The following VTI1A variants were observed in gnomAD, a reference collection of about 807,000 sequenced individuals.
The protein encoded by VTI1A is vesicle transport through interaction with t-SNAREs 1A.
Under a neutral mutation model 34.9 loss-of-function variants are expected in VTI1A, and 22 were observed. The ratio of observed to expected loss-of-function variants is 0.63; its 90% CI spans 0.45 to 0.90. The LOEUF is 0.90. VTI1A is among the 40% of genes least tolerant of loss of function. The pLI is 0.00. For synonymous variants in VTI1A, 87 were observed against 97.3 expected, an observed-to-expected ratio of 0.89 and a Z score of 0.62; for missense variants, 268 against 275.6, an observed-to-expected ratio of 0.97 and a Z score of 0.20.
At chr10:112,612,961 G>A (rs1028103387) in intron 5 of VTI1A, among the ~76,000 whole-genome samples, 3 of 152,084 alleles carry the variant, frequency 2.0e-5, no homozygotes, top group Non-Finnish European at 2.9e-5. Context: ...TACAAATGTG[G>A]CTGTGAGGTA....
At chr10:112,742,676 T>C (rs920718848) in intron 7 of VTI1A, among the ~76,000 whole-genome samples, 1 of 152,196 alleles carries the variant, frequency 6.6e-6, no homozygotes, top group Non-Finnish European at 1.5e-5. Flanking sequence ...GGTATTTCTT[T>C]AAAAATATGA....
chr10:112,481,236 A>C (rs542292599), intron 3 of VTI1A, among the ~76,000 whole-genome samples: 1 of 152,228 alleles, frequency 6.6e-6, no homozygotes, highest in Admixed American at 6.5e-5. Context: ...ATTCTGTATC[A>C]AACTATTTTA....
chr10:112,609,460 G>A (rs1011997378), intron 5 of VTI1A, among the ~76,000 whole-genome samples: 4 of 152,140 alleles, frequency 2.6e-5, no homozygotes, highest in African/African-American at 9.7e-5. Flanking sequence ...ACTCTGTGAC[G>A]ACAGGGATCA....
intron 5 of VTI1A, among the ~76,000 whole-genome samples, chr10:112,557,375 T>C (rs1447040298): frequency 6.6e-6 from 1 of 152,184 alleles, no homozygotes; most frequent in Non-Finnish European, 1.5e-5. Flanking sequence ...TAAATTTTAT[T>C]GCAAAATTAT....
intron 5 of VTI1A, among the ~76,000 whole-genome samples, chr10:112,626,208 C>T (rs555110710): frequency 6.6e-6 from 1 of 152,210 alleles, no homozygotes; most frequent in African/African-American, 2.4e-5. Context: ...AGGTAAAAGC[C>T]CCCTTCCGGA....
At chr10:112,537,740 A>G (rs1457775136) in intron 4 of VTI1A, among the ~76,000 whole-genome samples, 1 of 152,180 alleles carries the variant, frequency 6.6e-6, no homozygotes, top group African/African-American at 2.4e-5. Flanking sequence ...TCTTAGTAGC[A>G]TATGCTGTTC....
At chr10:112,664,985 A>C (rs1847590774) in intron 5 of VTI1A, among the ~76,000 whole-genome samples, 1 of 152,188 alleles carries the variant, frequency 6.6e-6, no homozygotes, top group South Asian at 2.1e-4. Flanking sequence ...TATAAAATTT[A>C]TGATTTCTCA....
intron 7 of VTI1A, among the ~76,000 whole-genome samples, chr10:112,759,826 G>A (rs1341748985): frequency 1.3e-5 from 2 of 152,010 alleles, no homozygotes; most frequent in Non-Finnish European, 2.9e-5. Context: ...CTCCAGGTCT[G>A]CCTGGATCAG....
intron 5 of VTI1A, among the ~76,000 whole-genome samples, chr10:112,552,851 C>T (rs1851411090): frequency 6.6e-6 from 1 of 152,210 alleles, no homozygotes; most frequent in Non-Finnish European, 1.5e-5. Context: ...TTTCTCTTCT[C>T]TCTTTTGTTA....
chr10:112,770,543 C>T (rs1479037461), intron 7 of VTI1A, among the ~76,000 whole-genome samples: 1 of 151,382 alleles, frequency 6.6e-6, no homozygotes, highest in Non-Finnish European at 1.5e-5. Context: ...CTACAGGCGC[C>T]TGTCACCACG....
intron 5 of VTI1A, among the ~76,000 whole-genome samples, chr10:112,631,730 G>A (rs1238727429): frequency 2.0e-5 from 3 of 152,168 alleles, no homozygotes; most frequent in South Asian, 2.1e-4. Context: ...GTAGCCTATG[G>A]CATGTGAGTT....
chr10:112,552,054 C>T (rs767476254), intron 5 of VTI1A, among the ~76,000 whole-genome samples: 62 of 152,108 alleles, frequency 4.1e-4, no homozygotes, highest in Non-Finnish European at 8.1e-4. Context: ...GTTTTTAATG[C>T]TTTAAATCAT....
intron 3 of VTI1A, among the ~76,000 whole-genome samples, chr10:112,498,767 A>T (rs537123355): frequency 4.7e-4 from 72 of 152,124 alleles, no homozygotes; most frequent in African/African-American, 1.6e-3. Flanking sequence ...TTGTTTGTTT[A>T]TGTGACTTCC....
At chr10:112,704,913 G>C (rs1269929039) in intron 7 of VTI1A, among the ~76,000 whole-genome samples, 1 of 151,950 alleles carries the variant, frequency 6.6e-6, no homozygotes, top group Non-Finnish European at 1.5e-5. Flanking sequence ...TCAGAGGCAG[G>C]GTCTCGCTCT....
At chr10:112,834,200 C>G in the VTI1A span, among the ~76,000 whole-genome samples, 2 of 152,128 alleles carry the variant, frequency 1.3e-5, no homozygotes, top group African/African-American at 4.8e-5. Flanking sequence ...CAGCCCTCAC[C>G]AAGGCCACCA....
chr10:112,659,703 G>A (rs1033338674), intron 5 of VTI1A, among the ~76,000 whole-genome samples: 11 of 152,212 alleles, frequency 7.2e-5, no homozygotes, highest in Non-Finnish European at 1.6e-4. Context: ...AAACATACAC[G>A]CACGCAGACA....
In VTI1A at chr10:112,778,908, T is replaced by G. The variant is rs144388089; in HGVS notation, c.561-36382T>G. Among the ~76,000 whole-genome samples, 515 of 152,276 alleles carry G rather than the reference T, an allele frequency of 3.4e-3. 3 individuals are homozygous for G. Among genetic ancestry groups the G allele is most frequent in the African/African-American group, 0.011 (476 of 41,538 alleles). On this transcript the variant is annotated intron_variant, in intron 7 of 7. Transcript: ENST00000393077. The stretch of plus-strand genomic sequence containing the variant: ...GATGACCTAAGAGTTGATAAGCCTT[T>G]GGCACAGGAAAGAAATATGCAGGAG...
At chr10:112,715,970 C>G (rs1341110966) in intron 7 of VTI1A, among the ~76,000 whole-genome samples, 1 of 152,210 alleles carries the variant, frequency 6.6e-6, no homozygotes, top group Non-Finnish European at 1.5e-5. Context: ...ACCAAACCTA[C>G]TCTGAGCATA....
intron 7 of VTI1A, among the ~76,000 whole-genome samples, chr10:112,704,927 G>A (rs1484832918): frequency 2.0e-5 from 3 of 151,952 alleles, no homozygotes; most frequent in African/African-American, 7.3e-5. Context: ...TCGCTCTGTC[G>A]ACCCAGCCTG....
Sources: gnomAD v4.1 joint callset for allele counts (sites outside exome capture counted in the v4.1 genomes callset) on GRCh38, gnomAD v4.1.1 for gene constraint, MANE v1.5 for transcripts, NCBI Gene and HGNC (gene_info 2026-07-23, HGNC 2026-07-21) for gene names.